The following STAG3 variants were observed in gnomAD, a reference collection of about 807,000 sequenced individuals.
STAG3 encodes the protein cohesin subunit SA-3.
A neutral mutation model predicts 160.7 loss-of-function variants in STAG3; 101 were observed. That is an observed-to-expected ratio of 0.63 (90% confidence interval 0.54 to 0.74). STAG3 has a LOEUF of 0.74. STAG3 is among the 30% of genes least tolerant of loss of function. STAG3 has a pLI of 0.00. For missense variants in STAG3, 1,188 were observed against 1,517.4 expected, an observed-to-expected ratio of 0.78 and a Z score of 3.61; for synonymous variants, 519 against 585.0, an observed-to-expected ratio of 0.89 and a Z score of 1.63.
In STAG3 at chr7:100,204,169, T is replaced by A. The variant is rs375101598; in HGVS notation, c.2802+47T>A. ...ACATGCCAGCCCTGTTGTCCCCAAGTCTCTGTCTACCCTCAGCCACTCAGA... is the reference window on the plus strand; with the variant it reads ...ACATGCCAGCCCTGTTGTCCCCAAGACTCTGTCTACCCTCAGCCACTCAGA... On this transcript the variant is annotated intron_variant, in intron 26 of 33. Transcript: ENST00000615138. 15 of 1,471,690 alleles carry A rather than the reference T, an allele frequency of 1.0e-5. No individual in the cohort carries two copies. In the African/African-American group the frequency reaches 1.9e-4, roughly 19 times the overall value. The allele number at this position is 1,471,690 out of a possible 1,614,324, so 91.2% of individuals were successfully genotyped here. A position where few individuals can be genotyped will look rare whatever the true frequency, so the allele number is the denominator to read the frequency against.
At chr7:100,189,230 A>G (rs1415658126) in intron 7 of STAG3, among the ~76,000 whole-genome samples, 1 of 152,074 alleles carries the variant, frequency 6.6e-6, no homozygotes, top group Admixed American at 6.6e-5. Context: ...TTTTTGTCAG[A>G]GCTCACCACT....
chr7:100,212,100 T>C (rs1185911533), intron 32 of STAG3: 1 of 470,382 alleles, frequency 2.1e-6, no homozygotes, highest in Non-Finnish European at 3.8e-6. Context: ...AAGGTTGGAA[T>C]AGCACTCTCG....
rs990263129 is a variant in STAG3 at position 100,184,472 on chromosome 7, T to C, written c.336+1633T>C. 2.2e-5 allele frequency among the ~76,000 whole-genome samples: 3 copies of C among 139,364 alleles called. No individual in the cohort carries two copies. In the Admixed American group the frequency reaches 2.2e-4, roughly 10 times the overall value. 91.4% of individuals were successfully genotyped at this position (139,364 alleles called of 152,430 possible). ...GTTGTACAGCGTGTTAGTTTTTTTTTTTTTTTTTTTTTTTGAGACGGAGTC... is the reference window on the plus strand; with the variant it reads ...GTTGTACAGCGTGTTAGTTTTTTTTCTTTTTTTTTTTTTTGAGACGGAGTC... On this transcript the variant is annotated intron_variant, in intron 4 of 33. Coordinates refer to ENST00000615138, the MANE Select transcript of STAG3 (RefSeq NM_001282717.2).
At chr7:100,201,917 C>T in intron 22 of STAG3, 32 bp from the exon 23 acceptor site, 1 of 1,614,086 alleles carries the variant, frequency 6.2e-7, no homozygotes, top group Non-Finnish European at 8.5e-7. Context: ...TCTGTGTCTT[C>T]ATTCTTCCCC....
chr7:100,216,242 C>T (rs1358139247), downstream of STAG3, among the ~76,000 whole-genome samples: 3 of 152,032 alleles, frequency 2.0e-5, no homozygotes, highest in Admixed American at 6.6e-5. Context: ...CCATAGCAAC[C>T]GGAACAGGGC....
chr7:100,205,003 A>G lies in STAG3; in HGVS notation c.2952-2A>G, dbSNP rs1241137409. On this transcript the variant is annotated splice_acceptor_variant, in intron 27 of 33. Coordinates refer to ENST00000615138, the MANE Select transcript of STAG3 (RefSeq NM_001282717.2). LOFTEE classifies it high-confidence loss of function. ...TTCCTAAAATAATTCTGCCCAACCA[A>G]GGGAAGGCATCCAGTTCTCCTTGTC... is the stretch of plus-strand genomic sequence containing the variant. The G allele has an allele frequency of 1.9e-6, 3 of 1,613,306 alleles. No homozygotes were observed. The highest frequency in any genetic ancestry group is 1.3e-5 in the African/African-American group (1 of 74,982).
intron 15 of STAG3, 28 bp from the exon 16 acceptor site, chr7:100,199,513 T>C: frequency 1.3e-6 from 2 of 1,582,292 alleles, no homozygotes; most frequent in South Asian, 1.1e-5. Flanking sequence ...TCTTTGATTC[T>C]ATGTTTTTGA....
At chr7:100,188,047 C>G (rs1800136690) in intron 5 of STAG3, among the ~76,000 whole-genome samples, 2 of 152,202 alleles carry the variant, frequency 1.3e-5, no homozygotes, top group Non-Finnish European at 1.5e-5. Flanking sequence ...TGACCGACTG[C>G]ACCCGGCTGG....
At position 100,197,873 on chromosome 7, in the gene STAG3, C is replaced by T. The variant is rs1178938137; in HGVS notation, c.1161C>T (p.Phe387=). 1 of 1,613,722 alleles carries T rather than the reference C, an allele frequency of 6.2e-7. No individual in the cohort carries two copies. Among genetic ancestry groups the T allele is most frequent in the Admixed American group, 1.7e-5 (1 of 60,010 alleles). ...GCCTGGAGCTCTTCACCAGCCGCTT[C>T]AAGGTAAAATGGGTGGTGCTCCATG... The part of the protein sequence containing the change: ...TTRLELFTSR[F]KDRMVSMVMD... The change falls in exon 11 of 34, where the codon TTC becomes TTT. Residue 387 remains phenylalanine (F), a synonymous_variant. Transcript: ENST00000615138.
At chr7:100,196,854 C>T (rs1800724690) in intron 9 of STAG3, among the ~76,000 whole-genome samples, 1 of 151,976 alleles carries the variant, frequency 6.6e-6, no homozygotes, top group Admixed American at 6.6e-5. Flanking sequence ...TATTTACTAA[C>T]TGGGTATGGC....
Position 100,198,590 on chromosome 7 carries a change from G to A in STAG3, c.1352+8G>A. The A allele has an allele frequency of 6.2e-7, 1 of 1,611,768 alleles. No homozygotes were observed. Among genetic ancestry groups the A allele is most frequent in the Non-Finnish European group, 8.5e-7 (1 of 1,178,568 alleles). ...CGAATTTCTGTACTGGAAGTGAGTG[G>A]GGCTCCTTTTATGTTTCTTTAACAC... On this transcript the variant is annotated splice_region_variant and intron_variant, in intron 13 of 33. Transcript: ENST00000615138.
rs988023629 is a variant in STAG3, at chr7:100,211,419, C to T, written c.3414-16C>T. 5 of 1,611,406 alleles carry T rather than the reference C, an allele frequency of 3.1e-6. No individual in the cohort carries two copies. The highest frequency in any genetic ancestry group is 3.4e-5 in the Admixed American group (2 of 59,340). ...CCTTGATTTTTATCCCATCATTGATCCTGCTTCATTCCCAGCAGTCAGCCC... is the reference window on the plus strand; with the variant it reads ...CCTTGATTTTTATCCCATCATTGATTCTGCTTCATTCCCAGCAGTCAGCCC... On this transcript the variant is annotated splice_polypyrimidine_tract_variant and intron_variant, in intron 30 of 33. Coordinates refer to ENST00000615138, the MANE Select transcript of STAG3 (RefSeq NM_001282717.2).
Position 100,211,818 on chromosome 7 carries a change from A to C in STAG3, c.3542A>C (p.Glu1181Ala). Reference sequence around the variant, plus strand: ...AGACTCAGCCTTATGGAAGAGGACGAGGAAGAAGAGTTAGAAATCCAGGAT... The same window carrying C: ...AGACTCAGCCTTATGGAAGAGGACGCGGAAGAAGAGTTAGAAATCCAGGAT... ...LMRLSLMEED[E>A]EEELEIQDES... is the part of the protein sequence containing the mutation. Residue 1181 changes from glutamate to alanine, a missense_variant, in exon 32 of 34, where the codon GAG (glutamate) becomes GCG (alanine). This residue lies in a region of STAG3 where 647 missense variants were observed against 717.2 expected (regional missense o/e 0.90). Transcript: ENST00000615138. 1 of 1,614,142 alleles carries C rather than the reference A, an allele frequency of 6.2e-7. No homozygotes were observed. The highest frequency in any genetic ancestry group is 8.5e-7 in the Non-Finnish European group (1 of 1,180,012).
chr7:100,182,476 AAGAAG>A (rs916223085), intron 3 of STAG3, among the ~76,000 whole-genome samples: 36 of 152,214 alleles, frequency 2.4e-4, no homozygotes, highest in African/African-American at 7.5e-4. Context: ...TTGAAGAGAA[AAGAAG>A]AGAAAAGGAC....
chr7:100,195,349 C>T lies in STAG3; in HGVS notation c.908C>T (p.Ala303Val). The T allele has an allele frequency of 1.2e-6, 2 of 1,614,132 alleles. No individual in the cohort carries two copies. The highest frequency in any genetic ancestry group is 1.7e-6 in the Non-Finnish European group (2 of 1,180,004). The change falls in exon 9 of 34, where the codon GCC (alanine) becomes GTC (valine). Residue 303 changes from alanine to valine, a missense_variant. Around this residue, in one of 4 missense-constraint regions of STAG3, gnomAD observed 296 missense variants for 404.0 expected, o/e 0.73. Coordinates refer to ENST00000615138, the MANE Select transcript of STAG3 (RefSeq NM_001282717.2). ...HQEEIEGMMNALFRGVFVHRY... is the reference protein window; with the variant it reads ...HQEEIEGMMNVLFRGVFVHRY... The stretch of plus-strand genomic sequence containing the variant: ...GAGGAGATTGAGGGGATGATGAATG[C>T]CCTCTTCAGGGGTGTCTTTGTTCAT...
chr7:100,189,301 G>C (rs779621003), intron 7 of STAG3, 144 bp from the exon 8 acceptor site: 7 of 952,954 alleles, frequency 7.3e-6, no homozygotes, highest in African/African-American at 1.7e-5. Flanking sequence ...TCCACTCCAG[G>C]ACAGGCCGTC....
At chr7:100,218,386 T>C (rs1294930286), downstream of STAG3, 5 of 188,178 alleles carry the variant, frequency 2.7e-5, no homozygotes, top group African/African-American at 7.0e-5. Flanking sequence ...ATGTATTTTC[T>C]TTATTATACT....
At chr7:100,186,348 T>C in intron 5 of STAG3, 52 bp downstream of exon 5, 1 of 1,469,848 alleles carries the variant, frequency 6.8e-7, no homozygotes, top group Non-Finnish European at 9.5e-7. Context: ...TCCTATGTTA[T>C]GAAATTCTTT....
chr7:100,212,298 C>A (rs1727128), intron 32 of STAG3: 8 of 160,298 alleles, frequency 5.0e-5, no homozygotes, highest in Admixed American at 3.0e-4. Context: ...TCCCTCACTC[C>A]CTTTCTAACC....
Sources: allele counts gnomAD v4.1 joint callset (sites outside exome capture counted in the v4.1 genomes callset), GRCh38; gene constraint gnomAD v4.1.1; regional missense constraint gnomAD v4.1.1; transcripts MANE v1.5; gene names NCBI Gene and HGNC (gene_info 2026-07-23, HGNC 2026-07-21).